TRAPPC9: variants seen among roughly 807,000 people sequenced by gnomAD.
TRAPPC9 encodes trafficking protein particle complex subunit 9.
In TRAPPC9, 83 loss-of-function variants were observed where a neutral mutation model predicts 124.0. The observed-to-expected ratio is 0.67, with a 90% CI of 0.56 to 0.80. The LOEUF is 0.80. TRAPPC9 is among the 30% of genes least tolerant of loss of function. The pLI is 0.00. For missense variants in TRAPPC9, 1,302 were observed against 1,508.3 expected, an observed-to-expected ratio of 0.86 and a Z score of 2.27; for synonymous variants, 638 against 617.5, an observed-to-expected ratio of 1.03 and a Z score of -0.49.
intron 5 of TRAPPC9, among the ~76,000 whole-genome samples, chr8:140,413,026 C>T (rs544579821): frequency 3.9e-5 from 6 of 152,238 alleles, no homozygotes; most frequent in East Asian, 3.9e-4. Context: ...TCATAACACT[C>T]GCTAAGTGTC....
intron 9 of TRAPPC9, among the ~76,000 whole-genome samples, chr8:140,326,287 G>A (rs926404545): frequency 2.6e-5 from 4 of 151,946 alleles, no homozygotes; most frequent in Non-Finnish European, 5.9e-5. Flanking sequence ...AAAGACCTGT[G>A]CAGTCATTAC....
chr8:140,442,092 C>T (rs1369385160), intron 2 of TRAPPC9, among the ~76,000 whole-genome samples: 2 of 152,160 alleles, frequency 1.3e-5, no homozygotes, highest in South Asian at 4.1e-4. Flanking sequence ...AAAGTGTACA[C>T]CTGCTGTAGC....
chr8:140,173,158 C>T (rs2061998340), intron 17 of TRAPPC9, among the ~76,000 whole-genome samples: 1 of 152,152 alleles, frequency 6.6e-6, no homozygotes, highest in Non-Finnish European at 1.5e-5. Flanking sequence ...TAACAGCTTT[C>T]AATTAATAGT....
intron 15 of TRAPPC9, among the ~76,000 whole-genome samples, chr8:140,272,878 C>A (rs950574144): frequency 2.6e-5 from 4 of 151,412 alleles, no homozygotes; most frequent in African/African-American, 7.3e-5. Flanking sequence ...ACCAGACCCC[C>A]CTCCAACACT....
intron 5 of TRAPPC9, among the ~76,000 whole-genome samples, chr8:140,423,663 T>C (rs12381493): frequency 6.9e-6 from 1 of 144,796 alleles, no homozygotes; most frequent in African/African-American, 2.8e-5. Flanking sequence ...CATACACACA[T>C]ATATACACAT....
chr8:140,335,380 G>C lies in TRAPPC9; in HGVS notation c.1496-24006C>G, dbSNP rs576916114. Among the ~76,000 whole-genome samples the C allele has an allele frequency of 2.6e-5, 4 of 152,246 alleles. No homozygotes were observed. In the East Asian group the frequency reaches 7.7e-4, roughly 29 times the overall value. The stretch of plus-strand genomic sequence containing the variant: ...ATGAGAGAAACTCAGGCATTAGAAT[G>C]GGCATTCCAGGCAATTAATAGGATA... On this transcript the variant is annotated intron_variant, in intron 9 of 22. Coordinates refer to ENST00000438773, the MANE Select transcript of TRAPPC9 (RefSeq NM_001160372.4).
At chr8:139,737,293 T>A (rs1187978019) in intron 21 of TRAPPC9, among the ~76,000 whole-genome samples, 1 of 152,164 alleles carries the variant, frequency 6.6e-6, no homozygotes, top group Admixed American at 6.5e-5. Context: ...GACCCGCTGC[T>A]CAATCACAAG....
chr8:139,823,328 G>A (rs1174970699), intron 21 of TRAPPC9, among the ~76,000 whole-genome samples: 1 of 151,990 alleles, frequency 6.6e-6, no homozygotes, highest in Admixed American at 6.5e-5. Context: ...AGCAGGTGGG[G>A]ACCGAGAGTT....
rs1266547056 is a variant in TRAPPC9, at chr8:139,729,548, G to A, written c.*1513C>T. On this transcript the variant is annotated 3_prime_UTR_variant, in exon 23 of 23. Coordinates refer to ENST00000438773, the MANE Select transcript of TRAPPC9 (RefSeq NM_001160372.4). ...AGGAACTGAGGGCCACTGGACACCC[G>A]CCCCCACATGCCCCCAGCCCACACC... Among the ~76,000 whole-genome samples the A allele has an allele frequency of 6.6e-6, 1 of 152,112 alleles. No homozygotes were observed. The highest frequency in any genetic ancestry group is 2.1e-4 in the South Asian group (1 of 4,826).
At chr8:140,374,194 G>T (rs1036261201) in intron 7 of TRAPPC9, among the ~76,000 whole-genome samples, 1 of 152,216 alleles carries the variant, frequency 6.6e-6, no homozygotes. Context: ...CCCTTTCCAG[G>T]AGTGTGCAGT....
chr8:140,187,453 C>T (rs537247415), intron 17 of TRAPPC9, among the ~76,000 whole-genome samples: 13 of 152,322 alleles, frequency 8.5e-5, no homozygotes, highest in Admixed American at 5.9e-4. Flanking sequence ...GAGGGTCCCA[C>T]ATGGCTGAGA....
At chr8:140,398,307 G>A (rs900025116) in intron 6 of TRAPPC9, among the ~76,000 whole-genome samples, 5 of 152,324 alleles carry the variant, frequency 3.3e-5, no homozygotes, top group Middle Eastern at 3.4e-3. Context: ...ATGTGGAAGC[G>A]ACTTTGGAAC....
At chr8:139,880,610 G>A (rs533253467) in intron 21 of TRAPPC9, among the ~76,000 whole-genome samples, 28 of 152,242 alleles carry the variant, frequency 1.8e-4, no homozygotes, top group African/African-American at 5.5e-4. Flanking sequence ...CAGTGCCCAC[G>A]TCACAATCGA....
intron 21 of TRAPPC9, among the ~76,000 whole-genome samples, chr8:139,770,802 C>A (rs1820904455): frequency 6.6e-6 from 1 of 152,224 alleles, no homozygotes; most frequent in South Asian, 2.1e-4. Context: ...CCCCAGCAGG[C>A]AGGAGGAAAA....
intron 14 of TRAPPC9, among the ~76,000 whole-genome samples, chr8:140,283,055 T>C (rs1014319545): frequency 3.3e-5 from 5 of 151,924 alleles, no homozygotes; most frequent in East Asian, 2.0e-4. Context: ...CTGGGCAACA[T>C]GGTGAAACCC....
chr8:139,731,667 T>A (rs145961839), intron 22 of TRAPPC9, among the ~76,000 whole-genome samples: 1 of 152,092 alleles, frequency 6.6e-6, no homozygotes, highest in East Asian at 1.9e-4. Context: ...GACAGTGACA[T>A]CACAGTGATG....
At chr8:140,051,264 G>C (rs1229130475) in intron 17 of TRAPPC9, among the ~76,000 whole-genome samples, 2 of 152,212 alleles carry the variant, frequency 1.3e-5, no homozygotes, top group African/African-American at 2.4e-5. Flanking sequence ...TGAGCACCAT[G>C]ACCTCAGTGA....
At chr8:140,233,976 G>T (rs570808005) in intron 16 of TRAPPC9, among the ~76,000 whole-genome samples, 14 of 152,114 alleles carry the variant, frequency 9.2e-5, no homozygotes, top group African/African-American at 3.1e-4. Flanking sequence ...CCTCTCACTA[G>T]ACTTATGCTA....
intron 21 of TRAPPC9, among the ~76,000 whole-genome samples, chr8:139,843,784 G>A (rs192195928): frequency 2.9e-4 from 44 of 152,300 alleles, no homozygotes; most frequent in African/African-American, 1.7e-4. Context: ...AATGAGCCCC[G>A]TGACACCTCA....
Sources: gnomAD v4.1 joint callset for allele counts (sites outside exome capture counted in the v4.1 genomes callset) on GRCh38, gnomAD v4.1.1 for gene constraint, MANE v1.5 for transcripts, NCBI Gene and HGNC (gene_info 2026-07-23, HGNC 2026-07-21) for gene names.